Variants in REEP1 observed in about 807,000 individuals in gnomAD.
REEP1 encodes receptor accessory protein 1, also known as receptor expression-enhancing protein 1.
REEP1 carries 22 observed loss-of-function variants against 40.3 expected under a neutral mutation model. That is an observed-to-expected ratio of 0.55 (90% confidence interval 0.39 to 0.78). The LOEUF (loss-of-function observed/expected upper bound fraction) is 0.78, where lower values mean the gene tolerates loss of function less well. Ranked by LOEUF, REEP1 falls within the 30% of genes least tolerant of loss-of-function variation. REEP1 has a pLI of 0.00. For missense variants in REEP1, 280 were observed against 361.1 expected (o/e 0.78, Z 1.82); for synonymous variants, 116 against 139.2 (o/e 0.83, Z 1.17).
intron 1 of REEP1, among the ~76,000 whole-genome samples, chr2:86,288,196 T>C (rs1678509762): frequency 6.6e-6 from 1 of 152,088 alleles, no homozygotes; most frequent in South Asian, 2.1e-4. Flanking sequence ...CTAATATTTG[T>C]ATTTTTAGTA....
rs142378450 is a variant in REEP1 at position 86,235,253 on chromosome 2, G to C, written c.418-2451C>G. Among the ~76,000 whole-genome samples the C allele has an allele frequency of 2.0e-3, 312 of 152,336 alleles. 2 individuals are homozygous for C. Among genetic ancestry groups the C allele is most frequent in the African/African-American group, 7.2e-3 (298 of 41,582 alleles). ...AGAAGCTACAGAAAGTGAAGATTGA[G>C]AACAGCAGTTCTTGAGTCAGGCCTT... On this transcript the variant is annotated intron_variant, in intron 5 of 8. Coordinates refer to ENST00000538924, the MANE Select transcript of REEP1 (RefSeq NM_001371279.1).
chr2:86,304,008 A>C (rs1266994239), intron 1 of REEP1, among the ~76,000 whole-genome samples: 1 of 152,206 alleles, frequency 6.6e-6, no homozygotes, highest in Non-Finnish European at 1.5e-5. Flanking sequence ...CTACTAGCAC[A>C]GGGTGCGACA....
chr2:86,227,342 A>G, intron 7 of REEP1, 21 bp downstream of exon 7: 1 of 1,232,254 alleles, frequency 8.1e-7, no homozygotes, highest in Admixed American at 4.2e-5. Flanking sequence ...CACGCTGCGG[A>G]GAGGCTGGCT....
chr2:86,315,610 C>G (rs1679959523), intron 1 of REEP1, among the ~76,000 whole-genome samples: 1 of 152,206 alleles, frequency 6.6e-6, no homozygotes, highest in Non-Finnish European at 1.5e-5. Context: ...CATGGCACAA[C>G]AGCTGCTGCA....
intron 1 of REEP1, among the ~76,000 whole-genome samples, chr2:86,329,547 C>A (rs1272814211): frequency 6.6e-6 from 1 of 152,152 alleles, no homozygotes; most frequent in Non-Finnish European, 1.5e-5. Flanking sequence ...GCAATTGAAT[C>A]CCAGGTCCAA....
Position 86,337,140 on chromosome 2 carries a change from A to C in REEP1, c.32+339T>G. The C allele has an allele frequency of 6.3e-6, 1 of 159,332 alleles. No homozygotes were observed. Among genetic ancestry groups the C allele is most frequent in the Non-Finnish European group, 1.4e-5 (1 of 72,832 alleles). 9.9% of individuals were successfully genotyped at this position (159,332 alleles called of 1,614,324 possible). The stretch of plus-strand genomic sequence containing the variant: ...AGAGACGCGTGTCCGCGGTGCGCCC[A>C]TTCGGGGCCTCTGCAAATCGACCGA... On this transcript the variant is annotated intron_variant, in intron 1 of 8. Transcript: ENST00000538924. The surrounding 1 kb of genome is among the most constrained non-coding windows in gnomAD (Gnocchi z 5.8).
chr2:86,283,187 C>T (rs1678193078), intron 1 of REEP1, among the ~76,000 whole-genome samples: 2 of 152,208 alleles, frequency 1.3e-5, no homozygotes, highest in South Asian at 4.1e-4. Context: ...GCCCTCTTTC[C>T]ACAGCACTGT....
intron 2 of REEP1, among the ~76,000 whole-genome samples, chr2:86,280,362 C>T (rs1678007705): frequency 6.6e-6 from 1 of 152,192 alleles, no homozygotes; most frequent in Admixed American, 6.5e-5. Flanking sequence ...TAATGAATTG[C>T]CATTCTAGTC....
intron 2 of REEP1, among the ~76,000 whole-genome samples, chr2:86,276,164 G>C (rs182168584): frequency 2.6e-5 from 4 of 152,266 alleles, no homozygotes; most frequent in Admixed American, 2.0e-4. Context: ...CTCTCACCAA[G>C]GCTGACCTGG....
At chr2:86,231,025 A>C (rs1225111057) in intron 6 of REEP1, among the ~76,000 whole-genome samples, 1 of 152,194 alleles carries the variant, frequency 6.6e-6, no homozygotes. Context: ...GAAGCTGTAG[A>C]TGCTTGACAA....
chr2:86,238,130 G>A (rs892816717), intron 5 of REEP1, among the ~76,000 whole-genome samples: 3 of 152,164 alleles, frequency 2.0e-5, no homozygotes, highest in African/African-American at 4.8e-5. Flanking sequence ...GAGGTGAGCC[G>A]AGATCGTGCC....
At chr2:86,221,282 G>T (rs775103412) in intron 7 of REEP1, among the ~76,000 whole-genome samples, 3 of 152,220 alleles carry the variant, frequency 2.0e-5, no homozygotes, top group Non-Finnish European at 2.9e-5. Flanking sequence ...ACAGCCAGCA[G>T]GAAGCAGCAC....
At chr2:86,338,006 GC>G (rs1238188222), upstream of REEP1, 2 of 1,535,028 alleles carry the variant, frequency 1.3e-6, no homozygotes, top group African/African-American at 2.7e-5. Context: ...TAGTGCGTTA[GC>G]CTCATAAAGG....
chr2:86,274,798 T>G (rs894905332), intron 2 of REEP1, among the ~76,000 whole-genome samples: 3 of 151,982 alleles, frequency 2.0e-5, no homozygotes, highest in Non-Finnish European at 2.9e-5. Flanking sequence ...TCTAAACTGG[T>G]CAGGAGCAGG....
At chr2:86,296,100 A>G (rs1678970224) in intron 1 of REEP1, among the ~76,000 whole-genome samples, 1 of 152,230 alleles carries the variant, frequency 6.6e-6, no homozygotes, top group South Asian at 2.1e-4. Context: ...ATCATAGGTG[A>G]CCATAAGGGA....
chr2:86,291,446 T>G (rs1678687789), intron 1 of REEP1, among the ~76,000 whole-genome samples: 1 of 152,234 alleles, frequency 6.6e-6, no homozygotes, highest in Non-Finnish European at 1.5e-5. Context: ...CCTTGGCATG[T>G]GATTCTGCCA....
intron 1 of REEP1, among the ~76,000 whole-genome samples, chr2:86,291,595 T>A (rs1356102968): frequency 2.0e-5 from 3 of 152,052 alleles, no homozygotes; most frequent in Non-Finnish European, 2.9e-5. Context: ...CCTCATCTGA[T>A]CTGCACTGTA....
intron 1 of REEP1, among the ~76,000 whole-genome samples, chr2:86,328,013 C>T (rs764957345): frequency 5.3e-5 from 8 of 152,014 alleles, no homozygotes; most frequent in South Asian, 2.1e-4. Flanking sequence ...GGTAGACAGG[C>T]GAGTATTTTG....
intron 1 of REEP1, among the ~76,000 whole-genome samples, chr2:86,301,466 T>C (rs1679253640): frequency 6.6e-6 from 1 of 152,162 alleles, no homozygotes; most frequent in Admixed American, 6.5e-5. Context: ...TAAGATTCAG[T>C]CCCCTCATCT....
Sources: allele counts gnomAD v4.1 joint callset (sites outside exome capture counted in the v4.1 genomes callset), GRCh38; gene constraint gnomAD v4.1.1; non-coding constraint Gnocchi (gnomAD v3.1); transcripts MANE v1.5; gene names NCBI Gene and HGNC (gene_info 2026-07-23, HGNC 2026-07-21).